The following SAMD12 variants were observed in gnomAD, a reference collection of about 807,000 sequenced individuals.
The protein encoded by SAMD12 is sterile alpha motif domain-containing protein 12.
Under a neutral mutation model 15.0 loss-of-function variants are expected in SAMD12, and 9 were observed. That is an observed-to-expected ratio of 0.60 (90% CI 0.36 to 1.05). The LOEUF is 1.05. SAMD12 is among the 50% of genes least tolerant of loss of function. The pLI is 0.01. For synonymous variants in SAMD12, 86 were observed against 90.1 expected, an observed-to-expected ratio of 0.96 and a Z score of 0.25; for missense variants, 230 against 234.2, an observed-to-expected ratio of 0.98 and a Z score of 0.12.
Position 118,470,923 on chromosome 8 carries a change from T to C in SAMD12, c.193-30962A>G, listed in dbSNP as rs1247595235. Reference sequence around the variant, plus strand: ...GATTTTAAGACTTGGATTAATTTTATGTACAACTAAGACAGAAAAAGAATG... The same window carrying C: ...GATTTTAAGACTTGGATTAATTTTACGTACAACTAAGACAGAAAAAGAATG... On this transcript the variant is annotated intron_variant, in intron 2 of 3. Coordinates refer to ENST00000314727, the MANE Select transcript of SAMD12 (RefSeq NM_207506.3). Among the ~76,000 whole-genome samples the C allele has an allele frequency of 2.0e-5, 3 of 152,228 alleles. No homozygotes were observed. The South Asian group carries it at 6.2e-4, about 32-fold the overall frequency.
At chr8:118,284,318 A>G (rs1409096125) in intron 4 of SAMD12, 7 of 456,184 alleles carry the variant, frequency 1.5e-5, no homozygotes, top group East Asian at 6.9e-5. Context: ...GGATGGCTTC[A>G]TAACTTCCCT....
chr8:118,370,052 C>CAATTTACAAATTGTAAA (rs1819002284), intron 4 of SAMD12, among the ~76,000 whole-genome samples: 1 of 151,992 alleles, frequency 6.6e-6, no homozygotes, highest in Non-Finnish European at 1.5e-5. Context: ...CTATAAGGAA[C>CAATTTACAAATTGTAAA]TTAAACAAAT....
intron 4 of SAMD12, among the ~76,000 whole-genome samples, chr8:118,333,964 C>A (rs1586548870): frequency 8.0e-6 from 1 of 125,218 alleles, no homozygotes; most frequent in Admixed American, 8.5e-5. Flanking sequence ...TGGCGGGGGG[C>A]AGGGGTGTGT....
intron 4 of SAMD12, among the ~76,000 whole-genome samples, chr8:118,321,144 A>AATAAATATATATATAT (rs57107358): frequency 4.8e-4 from 45 of 94,440 alleles, no homozygotes; most frequent in African/African-American, 1.6e-3. Flanking sequence ...ATAGATAATA[A>AATAAATATATATATAT]ATATATATAT....
At chr8:118,170,054 T>C in the SAMD12 span, among the ~76,000 whole-genome samples, 1 of 152,180 alleles carries the variant, frequency 6.6e-6, no homozygotes, top group Non-Finnish European at 1.5e-5. Context: ...ACATTTGTTA[T>C]TAGGCAATAT....
chr8:118,136,843 A>G, the SAMD12 span, among the ~76,000 whole-genome samples: 1 of 152,182 alleles, frequency 6.6e-6, no homozygotes, highest in South Asian at 2.1e-4. Context: ...ATCCGCAAGG[A>G]AGAAAACCCA....
intron 4 of SAMD12, among the ~76,000 whole-genome samples, chr8:118,274,679 T>A (rs544716415): frequency 6.6e-6 from 1 of 152,324 alleles, no homozygotes; most frequent in South Asian, 2.1e-4. Flanking sequence ...CTCCTATTTG[T>A]AAACTTTGTA....
At chr8:118,594,848 C>G (rs990556692) in intron 1 of SAMD12, among the ~76,000 whole-genome samples, 1 of 152,178 alleles carries the variant, frequency 6.6e-6, no homozygotes, top group Non-Finnish European at 1.5e-5. Context: ...AAGCATCCTT[C>G]GTGATGCAAT....
At chr8:118,374,817 T>C (rs1363582270), downstream of SAMD12, among the ~76,000 whole-genome samples, 2 of 146,724 alleles carry the variant, frequency 1.4e-5, no homozygotes, top group Non-Finnish European at 3.1e-5. Context: ...ATTTTATTAT[T>C]TGGCTTGTTT....
chr8:118,486,388 C>T (rs548568223), intron 2 of SAMD12, among the ~76,000 whole-genome samples: 67 of 150,462 alleles, frequency 4.5e-4, no homozygotes, highest in African/African-American at 1.6e-3. Flanking sequence ...TGCACTCCAG[C>T]CTGGGTGACA....
chr8:118,297,565 T>A (rs1219200306), intron 4 of SAMD12, among the ~76,000 whole-genome samples: 1 of 152,164 alleles, frequency 6.6e-6, no homozygotes, highest in Admixed American at 6.5e-5. Context: ...TCGACATTAT[T>A]AGTAAAATGA....
At chr8:118,505,442 G>A (rs1319664308) in intron 2 of SAMD12, among the ~76,000 whole-genome samples, 1 of 151,534 alleles carries the variant, frequency 6.6e-6, no homozygotes, top group Non-Finnish European at 1.5e-5. Flanking sequence ...AGAGACTGAA[G>A]TGAAGTTGTT....
intron 2 of SAMD12, among the ~76,000 whole-genome samples, chr8:118,497,323 T>C (rs1339173686): frequency 6.6e-6 from 1 of 152,182 alleles, no homozygotes; most frequent in Non-Finnish European, 1.5e-5. Flanking sequence ...TCAACCTAGA[T>C]GCCAATCAAC....
chr8:118,246,446 T>C (rs542360859), intron 4 of SAMD12, among the ~76,000 whole-genome samples: 24 of 152,284 alleles, frequency 1.6e-4, no homozygotes, highest in Non-Finnish European at 2.8e-4. Context: ...TTTGATATCA[T>C]GAAGGCATTA....
At chr8:118,485,114 A>G (rs1298713700) in intron 2 of SAMD12, among the ~76,000 whole-genome samples, 1 of 152,154 alleles carries the variant, frequency 6.6e-6, no homozygotes, top group African/African-American at 2.4e-5. Flanking sequence ...TTCATAGCAT[A>G]AATTTTATTA....
In SAMD12 at chr8:118,432,248, T is replaced by C. The variant is rs376786067; in HGVS notation, c.322+7584A>G. Among the ~76,000 whole-genome samples the C allele has an allele frequency of 6.4e-4, 98 of 152,378 alleles. No homozygotes were observed. The Middle Eastern group carries it at 0.024, about 37-fold the overall frequency. On this transcript the variant is annotated intron_variant, in intron 3 of 3. Coordinates refer to ENST00000314727, the MANE Select transcript of SAMD12 (RefSeq NM_207506.3). ...TCTGTGTCATATCTGAATCTGGTTC[T>C]GATGATTACTTTGTCTCTTCAGTTT...
chr8:118,349,737 T>C (rs966767900), intron 4 of SAMD12, among the ~76,000 whole-genome samples: 7 of 152,204 alleles, frequency 4.6e-5, no homozygotes, highest in Admixed American at 3.3e-4. Flanking sequence ...TCTCTTTACC[T>C]AGCAACATCA....
At chr8:118,260,366 G>A (rs968030570) in intron 4 of SAMD12, among the ~76,000 whole-genome samples, 1 of 152,032 alleles carries the variant, frequency 6.6e-6, no homozygotes, top group Non-Finnish European at 1.5e-5. Flanking sequence ...GAAGCTAGTA[G>A]CTCTATTATC....
At chr8:118,162,063 G>C in the SAMD12 span, among the ~76,000 whole-genome samples, 1 of 151,310 alleles carries the variant, frequency 6.6e-6, no homozygotes, top group Non-Finnish European at 1.5e-5. Context: ...GGGAGGCTGA[G>C]GCAGGGGAAT....
Sources: gnomAD v4.1 joint callset for allele counts (sites outside exome capture counted in the v4.1 genomes callset) on GRCh38, gnomAD v4.1.1 for gene constraint, MANE v1.5 for transcripts, NCBI Gene and HGNC (gene_info 2026-07-23, HGNC 2026-07-21) for gene names.